Variants in DPYD observed in about 807,000 individuals in gnomAD.
DPYD encodes the protein dihydropyrimidine dehydrogenase.
A neutral mutation model predicts 116.2 loss-of-function variants in DPYD; 109 were observed. The ratio of observed to expected loss-of-function variants is 0.94; its 90% confidence interval spans 0.80 to 1.10. The LOEUF is 1.10. DPYD is among the 50% of genes least tolerant of loss of function. DPYD has a pLI of 0.00. For missense variants in DPYD, 1,302 were observed against 1,254.5 expected, an observed-to-expected ratio of 1.04 and a Z score of -0.57; for synonymous variants, 440 against 432.0, an observed-to-expected ratio of 1.02 and a Z score of -0.23.
intron 8 of DPYD, among the ~76,000 whole-genome samples, chr1:97,641,080 G>T (rs769291847): frequency 6.6e-6 from 1 of 152,140 alleles, no homozygotes; most frequent in Non-Finnish European, 1.5e-5. Context: ...CACATGGATG[G>T]AGTGTAAAAG....
chr1:97,225,210 C>G (rs572596184), intron 19 of DPYD, among the ~76,000 whole-genome samples: 6 of 152,062 alleles, frequency 3.9e-5, no homozygotes, highest in African/African-American at 1.4e-4. Context: ...TTACATTTTC[C>G]CCAACAATGA....
chr1:97,473,942 G>C (rs1207943468), intron 13 of DPYD, among the ~76,000 whole-genome samples: 1 of 149,574 alleles, frequency 6.7e-6, no homozygotes, highest in African/African-American at 2.5e-5. Flanking sequence ...AGCCCAGGAA[G>C]TTGAGGCTTC....
At chr1:97,171,949 TAA>T (rs1656749981) in intron 20 of DPYD, among the ~76,000 whole-genome samples, 1 of 152,168 alleles carries the variant, frequency 6.6e-6, no homozygotes, top group Admixed American at 6.6e-5. Flanking sequence ...TATGGAAAGA[TAA>T]AGATAAAGGT....
At chr1:97,448,467 T>C (rs1010323425) in intron 14 of DPYD, among the ~76,000 whole-genome samples, 7 of 152,158 alleles carry the variant, frequency 4.6e-5, no homozygotes, top group African/African-American at 1.7e-4. Flanking sequence ...AATAAAACTT[T>C]TGTAACTGTG....
chr1:97,481,221 A>C (rs1274745245), intron 13 of DPYD, among the ~76,000 whole-genome samples: 1 of 152,048 alleles, frequency 6.6e-6, no homozygotes, highest in East Asian at 1.9e-4. Context: ...ATGTGAACGA[A>C]CCATGAGATG....
chr1:97,532,938 TTTG>T (rs891817380), intron 12 of DPYD, among the ~76,000 whole-genome samples: 3 of 151,820 alleles, frequency 2.0e-5, no homozygotes, highest in African/African-American at 4.8e-5. Flanking sequence ...TTGTTGTTGT[TTTG>T]TTGTTATTGT....
intron 11 of DPYD, among the ~76,000 whole-genome samples, chr1:97,559,134 A>C (rs950192257): frequency 6.6e-6 from 1 of 152,124 alleles, no homozygotes; most frequent in African/African-American, 2.4e-5. Context: ...ATAGTGAAAA[A>C]ATAGCGTATT....
intron 18 of DPYD, among the ~76,000 whole-genome samples, chr1:97,260,543 A>T (rs1310421724): frequency 6.6e-6 from 1 of 152,126 alleles, no homozygotes; most frequent in African/African-American, 2.4e-5. Flanking sequence ...TTGTATAAGT[A>T]TACAATTGAA....
At chr1:97,205,554 T>TA (rs1659530543) in intron 19 of DPYD, among the ~76,000 whole-genome samples, 1 of 152,168 alleles carries the variant, frequency 6.6e-6, no homozygotes, top group Non-Finnish European at 1.5e-5. Flanking sequence ...GAACTTCATA[T>TA]ATTTTAAAAT....
intron 8 of DPYD, among the ~76,000 whole-genome samples, chr1:97,652,191 G>C (rs1658624588): frequency 6.6e-6 from 1 of 152,014 alleles, no homozygotes; most frequent in Non-Finnish European, 1.5e-5. Flanking sequence ...CTTAAAAACA[G>C]CTCAAGAGTA....
chr1:97,478,188 G>A (rs997784881), intron 13 of DPYD, among the ~76,000 whole-genome samples: 2 of 152,196 alleles, frequency 1.3e-5, no homozygotes, highest in African/African-American at 4.8e-5. Flanking sequence ...GGCTTAAAAT[G>A]TTCAGTAAAC....
intron 11 of DPYD, among the ~76,000 whole-genome samples, chr1:97,569,391 T>C (rs1652743139): frequency 6.7e-6 from 1 of 148,612 alleles, no homozygotes; most frequent in African/African-American, 2.4e-5. Flanking sequence ...TATTAGGAAA[T>C]ATATATATTT....
chr1:97,736,680 A>C (rs1032017842), intron 4 of DPYD, among the ~76,000 whole-genome samples: 1 of 152,180 alleles, frequency 6.6e-6, no homozygotes, highest in African/African-American at 2.4e-5. Flanking sequence ...AAACCAACCC[A>C]TAATACATAG....
At chr1:97,865,841 A>G (rs1242894863) in intron 2 of DPYD, among the ~76,000 whole-genome samples, 2 of 151,908 alleles carry the variant, frequency 1.3e-5, no homozygotes, top group Non-Finnish European at 2.9e-5. Context: ...AAATGAATTG[A>G]AAATATCAAC....
chr1:97,153,517 T>G (rs923091785), intron 20 of DPYD, among the ~76,000 whole-genome samples: 1 of 152,210 alleles, frequency 6.6e-6, no homozygotes, highest in South Asian at 2.1e-4. Flanking sequence ...ATCAAAGACT[T>G]AAATCTAAGA....
intron 2 of DPYD, chr1:97,855,584 G>A (rs1321716327): frequency 6.6e-6 from 1 of 151,914 alleles, no homozygotes; most frequent in African/African-American, 2.4e-5. Flanking sequence ...TCTCAGAAAA[G>A]GACCAAAAAA....
In DPYD at chr1:97,269,701, G is replaced by C. The variant is rs1041428353; in HGVS notation, c.2300-34707C>G. Among the ~76,000 whole-genome samples the C allele has an allele frequency of 3.3e-5, 5 of 152,242 alleles. 1 individual carries two copies. Among genetic ancestry groups the C allele is most frequent in the Admixed American group, 2.6e-4 (4 of 15,300 alleles). Reference sequence around the variant, plus strand: ...CGTCCTCACTCACATGGTAGAGAGAGAGCTCTGATATCTCTTCCTCTTCTT... The same window carrying C: ...CGTCCTCACTCACATGGTAGAGAGACAGCTCTGATATCTCTTCCTCTTCTT... On this transcript the variant is annotated intron_variant, in intron 18 of 22. Coordinates refer to ENST00000370192, the MANE Select transcript of DPYD (RefSeq NM_000110.4).
intron 3 of DPYD, among the ~76,000 whole-genome samples, chr1:97,785,235 T>G (rs1010345673): frequency 2.6e-5 from 4 of 152,182 alleles, no homozygotes; most frequent in African/African-American, 9.6e-5. Flanking sequence ...TAATTATGCA[T>G]ATTTCATTTG....
chr1:97,367,948 A>G (rs1671122984), intron 16 of DPYD, among the ~76,000 whole-genome samples: 2 of 152,142 alleles, frequency 1.3e-5, no homozygotes, highest in African/African-American at 4.8e-5. Flanking sequence ...ACCCTTTCAC[A>G]TATATTCTTC....
Sources: allele counts gnomAD v4.1 joint callset (sites outside exome capture counted in the v4.1 genomes callset), GRCh38; gene constraint gnomAD v4.1.1; transcripts MANE v1.5; gene names NCBI Gene and HGNC (gene_info 2026-07-23, HGNC 2026-07-21).